The following SPATA6 variants were observed in gnomAD, a reference collection of about 807,000 sequenced individuals.
The protein encoded by SPATA6 is spermatogenesis associated 6, also known as spermatogenesis-associated protein 6.
A neutral mutation model predicts 65.3 loss-of-function variants in SPATA6; 56 were observed. That is an observed-to-expected ratio of 0.86 (90% CI 0.69 to 1.07). The LOEUF (loss-of-function observed/expected upper bound fraction) is 1.07, where lower values mean the gene tolerates loss of function less well. Among genes scored for constraint, SPATA6 ranks in the 50% least tolerant of loss-of-function variants. The pLI, the probability that SPATA6 is intolerant of heterozygous loss-of-function variation, is 0.00. For synonymous variants in SPATA6, 199 were observed against 213.2 expected, an observed-to-expected ratio of 0.93 and a Z score of 0.58; for missense variants, 590 against 594.8, an observed-to-expected ratio of 0.99 and a Z score of 0.08.
chr1:48,281,145 A>G, the SPATA6 span, among the ~76,000 whole-genome samples: 1 of 152,200 alleles, frequency 6.6e-6, no homozygotes, highest in Non-Finnish European at 1.5e-5. Flanking sequence ...CTTTCATGCT[A>G]AAAAATCTCA....
intron 9 of SPATA6, among the ~76,000 whole-genome samples, chr1:48,364,586 T>G (rs1418747966): frequency 6.6e-6 from 1 of 152,242 alleles, no homozygotes; most frequent in Non-Finnish European, 1.5e-5. Context: ...GTTTTTTGGC[T>G]GCATAAATGT....
chr1:48,371,155 G>T (rs1460634893), intron 9 of SPATA6, among the ~76,000 whole-genome samples: 1 of 151,924 alleles, frequency 6.6e-6, no homozygotes, highest in East Asian at 1.9e-4. Context: ...AATAATACAA[G>T]GATGGATTAT....
At chr1:48,315,991 C>A (rs1370324755) in intron 11 of SPATA6, among the ~76,000 whole-genome samples, 3 of 152,076 alleles carry the variant, frequency 2.0e-5, no homozygotes, top group African/African-American at 7.2e-5. Flanking sequence ...ATGTGAAGGG[C>A]CTCTTCAAGG....
chr1:48,377,103 T>C (rs975419483), intron 9 of SPATA6, among the ~76,000 whole-genome samples: 8 of 152,122 alleles, frequency 5.3e-5, no homozygotes, highest in African/African-American at 1.7e-4. Context: ...ACCTATCACT[T>C]CTCACCTTGA....
chr1:48,347,027 A>T (rs1213604182), intron 11 of SPATA6, among the ~76,000 whole-genome samples: 2 of 152,144 alleles, frequency 1.3e-5, no homozygotes, highest in Non-Finnish European at 2.9e-5. Flanking sequence ...AAGCAAAAAG[A>T]ACAAAGTCAG....
chr1:48,435,887 T>C (rs1346398113), intron 3 of SPATA6: 4 of 1,392,904 alleles, frequency 2.9e-6, no homozygotes, highest in Non-Finnish European at 2.0e-6. Flanking sequence ...TATATCTGCA[T>C]CTTGAAAGGA....
At chr1:48,380,292 T>C (rs1194128445) in intron 9 of SPATA6, among the ~76,000 whole-genome samples, 1 of 152,238 alleles carries the variant, frequency 6.6e-6, no homozygotes, top group Non-Finnish European at 1.5e-5. Flanking sequence ...TCCTTTTTTA[T>C]TTTCATGTTC....
At chr1:48,358,957 T>A (rs927915119) in intron 10 of SPATA6, among the ~76,000 whole-genome samples, 1 of 152,198 alleles carries the variant, frequency 6.6e-6, no homozygotes, top group Admixed American at 6.6e-5. Context: ...TTAACCAGGA[T>A]TGATTTCTTT....
chr1:48,438,429 C>G (rs775818737), intron 3 of SPATA6, among the ~76,000 whole-genome samples: 3 of 152,186 alleles, frequency 2.0e-5, no homozygotes, highest in African/African-American at 7.2e-5. Flanking sequence ...AGTTGTCAGG[C>G]TTTCTGGGAA....
chr1:48,427,042 C>T (rs1255929184), intron 3 of SPATA6, among the ~76,000 whole-genome samples: 1 of 151,932 alleles, frequency 6.6e-6, no homozygotes. Flanking sequence ...CCTCTGACCT[C>T]AGCCTTCTGA....
chr1:48,339,370 A>T (rs1570194482), intron 11 of SPATA6, among the ~76,000 whole-genome samples: 1 of 152,108 alleles, frequency 6.6e-6, no homozygotes, highest in Non-Finnish European at 1.5e-5. Flanking sequence ...CTAGAATTTA[A>T]CTCTAAAATA....
Position 48,359,572 on chromosome 1 carries a change from C to A in SPATA6, c.1094+14G>T, listed in dbSNP as rs1234892401. On this transcript the variant is annotated intron_variant, in intron 10 of 12. Coordinates refer to ENST00000371847, the MANE Select transcript of SPATA6 (RefSeq NM_019073.4). ...TCAAAGATCAGTACAGAAATGAAGA[C>A]CGCACATAATTACCTTTCCCTGAGA... 1.5e-5 allele frequency: 24 copies of A among 1,611,452 alleles called. No individual in the cohort carries two copies. The highest frequency in any genetic ancestry group is 2.0e-5 in the Non-Finnish European group (23 of 1,178,376).
chr1:48,467,218 T>C (rs1309355510), intron 1 of SPATA6, among the ~76,000 whole-genome samples: 1 of 152,136 alleles, frequency 6.6e-6, no homozygotes, highest in Admixed American at 6.5e-5. Context: ...GTGTGACACA[T>C]CCAAACCTTT....
intron 11 of SPATA6, among the ~76,000 whole-genome samples, chr1:48,340,727 CAAAAG>C (rs992375289): frequency 1.5e-4 from 22 of 151,656 alleles, no homozygotes; most frequent in African/African-American, 5.3e-4. Context: ...GTAAGTAAAT[CAAAAG>C]AAAAGTTAAA....
intron 9 of SPATA6, among the ~76,000 whole-genome samples, chr1:48,366,884 T>C (rs1447338096): frequency 6.6e-5 from 10 of 152,224 alleles, no homozygotes; most frequent in Admixed American, 1.3e-4. Flanking sequence ...TTAATTGTGA[T>C]GTTAGGGTGT....
At chr1:48,372,753 C>T (rs1331224983) in intron 9 of SPATA6, among the ~76,000 whole-genome samples, 1 of 152,242 alleles carries the variant, frequency 6.6e-6, no homozygotes, top group Non-Finnish European at 1.5e-5. Context: ...GGCAGAGGTT[C>T]CCAAACCTCA....
At position 48,394,270 on chromosome 1, in the gene SPATA6, A is replaced by G. The variant is rs1000130964; in HGVS notation, c.868+997T>C. Among the ~76,000 whole-genome samples, 26 of 152,130 alleles carry G rather than the reference A, an allele frequency of 1.7e-4. 1 individual carries two copies. Among genetic ancestry groups the G allele is most frequent in the African/African-American group, 5.5e-4 (23 of 41,450 alleles). On this transcript the variant is annotated intron_variant, in intron 8 of 12. Coordinates refer to ENST00000371847, the MANE Select transcript of SPATA6 (RefSeq NM_019073.4). ...CTTTGATTAAAAGTTATTAGAAACC[A>G]CAACAGTTCTGCTGGCAAATATGTA...
chr1:48,358,890 T>C (rs1015458355), intron 10 of SPATA6, among the ~76,000 whole-genome samples: 1 of 152,164 alleles, frequency 6.6e-6, no homozygotes, highest in Non-Finnish European at 1.5e-5. Flanking sequence ...TAGGTTTGTT[T>C]TAATATAGCA....
At chr1:48,385,485 T>C (rs1649367926) in intron 8 of SPATA6, 136 bp from the exon 9 acceptor site, 4 of 621,522 alleles carry the variant, frequency 6.4e-6, no homozygotes, top group Non-Finnish European at 1.0e-5. Flanking sequence ...CAGTGTTACA[T>C]CAGAAAGGAT....
Sources: gnomAD v4.1 joint callset for allele counts (sites outside exome capture counted in the v4.1 genomes callset) on GRCh38, gnomAD v4.1.1 for gene constraint, MANE v1.5 for transcripts, NCBI Gene and HGNC (gene_info 2026-07-23, HGNC 2026-07-21) for gene names.